PTBP2: variants seen among roughly 807,000 people sequenced by gnomAD.
The protein encoded by PTBP2 is polypyrimidine tract binding protein 2.
In PTBP2, 13 loss-of-function variants were observed where a neutral mutation model predicts 61.4. The observed-to-expected ratio is 0.21, with a 90% CI of 0.14 to 0.34. PTBP2 has a LOEUF of 0.34. PTBP2 is among the 10% of genes least tolerant of loss of function. PTBP2 has a pLI of 1.00. For synonymous variants in PTBP2, 215 were observed against 218.5 expected, an observed-to-expected ratio of 0.98 and a Z score of 0.14; for missense variants, 405 against 642.6, an observed-to-expected ratio of 0.63 and a Z score of 4.00.
In PTBP2 at chr1:96,807,263, G is replaced by T. The variant is rs571272884; in HGVS notation, c.1171+305G>T. On this transcript the variant is annotated intron_variant, in intron 11 of 13. Coordinates refer to ENST00000674951, the MANE Select transcript of PTBP2 (RefSeq NM_021190.4). ...AGATTCATAGTGATTTTTATTCTAG[G>T]TACTCCTTGTTAATAGAGGCTAACT... 1.1e-4 allele frequency among the ~76,000 whole-genome samples: 16 copies of T among 152,108 alleles called. No homozygotes were observed. The South Asian group carries it at 2.1e-3, about 20-fold the overall frequency.
intron 8 of PTBP2, among the ~76,000 whole-genome samples, chr1:96,795,260 G>A (rs1188897696): frequency 6.6e-6 from 1 of 152,172 alleles, no homozygotes; most frequent in Non-Finnish European, 1.5e-5. Context: ...GTCTAATTAA[G>A]ATGTAATTAT....
At chr1:96,746,385 T>A (rs941789062) in intron 2 of PTBP2, among the ~76,000 whole-genome samples, 1 of 152,296 alleles carries the variant, frequency 6.6e-6, no homozygotes, top group African/African-American at 2.4e-5. Flanking sequence ...TATTCTCTGG[T>A]CTTCCTTTGT....
At chr1:96,770,047 T>G (rs962670745) in intron 4 of PTBP2, among the ~76,000 whole-genome samples, 172 bp downstream of exon 4, 1 of 152,024 alleles carries the variant, frequency 6.6e-6, no homozygotes, top group African/African-American at 2.4e-5. Context: ...CCAAAGTGAG[T>G]GAATCACTAT....
chr1:96,797,813 A>G (rs185030419), intron 8 of PTBP2, among the ~76,000 whole-genome samples: 1 of 152,324 alleles, frequency 6.6e-6, no homozygotes, highest in East Asian at 1.9e-4. Context: ...GACAAGAACA[A>G]CTTTCTATAC....
At chr1:96,747,726 A>G (rs1654027756) in intron 2 of PTBP2, among the ~76,000 whole-genome samples, 1 of 152,098 alleles carries the variant, frequency 6.6e-6, no homozygotes, top group African/African-American at 2.4e-5. Context: ...AAGTGGTATC[A>G]GTCTGCTCCA....
Position 96,721,799 on chromosome 1 carries a change from G to C in PTBP2, c.-66G>C. ...GTCGGGCCCCAGCCGCCATTTTCTC[G>C]CCGCTTGTGTGGCTCGCTGGCTGCG... On this transcript the variant is annotated 5_prime_UTR_variant, in exon 1 of 14. Transcript: ENST00000674951. The C allele has an allele frequency of 1.3e-6, 2 of 1,546,612 alleles. No homozygotes were observed. Among genetic ancestry groups the C allele is most frequent in the Non-Finnish European group, 1.7e-6 (2 of 1,143,924 alleles).
chr1:96,818,256 A>G, downstream of PTBP2: 1 of 152,080 alleles, frequency 6.6e-6, no homozygotes, highest in African/African-American at 2.4e-5. Context: ...TTTTTGAATC[A>G]GAAAATTTTA....
rs748262408 is a variant in PTBP2 at position 96,769,713 on chromosome 1, T to C, written c.126T>C (p.Asn42=). ...MSSMVVTANG[N]DSKKFKGEDK... is the part of the protein sequence containing the mutation. ...TTTAATGTCTTTCAGCCAATGGTAA[T>C]GATAGTAAAAAATTTAAAGGAGAAG... The change falls in exon 4 of 14, where the codon AAT becomes AAC. Residue 42 remains asparagine (N), a synonymous_variant. Transcript: ENST00000674951. 6.9e-6 allele frequency: 11 copies of C among 1,597,646 alleles called. No individual in the cohort carries two copies. The African/African-American group carries it at 1.1e-4, about 16-fold the overall frequency.
intron 5 of PTBP2, among the ~76,000 whole-genome samples, chr1:96,776,443 G>A (rs1189954508): frequency 6.6e-6 from 1 of 151,856 alleles, no homozygotes; most frequent in South Asian, 2.1e-4. Context: ...AAATTAAGTA[G>A]CATTTAAATG....
intron 2 of PTBP2, among the ~76,000 whole-genome samples, chr1:96,739,435 ACT>A (rs1347732133): frequency 6.6e-6 from 1 of 151,830 alleles, no homozygotes; most frequent in Admixed American, 6.6e-5. Flanking sequence ...GAGAACTGAA[ACT>A]CTATACTGAT....
chr1:96,727,386 T>C (rs968589847), intron 2 of PTBP2, among the ~76,000 whole-genome samples: 1 of 152,204 alleles, frequency 6.6e-6, no homozygotes, highest in East Asian at 1.9e-4. Context: ...TATGGACATA[T>C]GCTTTCATTT....
intron 2 of PTBP2, among the ~76,000 whole-genome samples, chr1:96,729,230 C>T (rs1344656261): frequency 1.3e-5 from 2 of 152,146 alleles, no homozygotes; most frequent in Non-Finnish European, 2.9e-5. Flanking sequence ...CCATGTTGGC[C>T]AGGCTGGTCT....
chr1:96,806,797 T>A, intron 10 of PTBP2, 69 bp from the exon 11 acceptor site: 1 of 1,137,038 alleles, frequency 8.8e-7, no homozygotes, highest in East Asian at 2.4e-5. Context: ...GTCAGAAAGA[T>A]AATCTTTAGG....
intron 2 of PTBP2, among the ~76,000 whole-genome samples, chr1:96,741,866 C>T (rs754256253): frequency 1.3e-4 from 20 of 152,158 alleles, no homozygotes; most frequent in Non-Finnish European, 2.6e-4. Flanking sequence ...CTCAGCTTTT[C>T]TCCAATGATC....
At chr1:96,751,293 A>AT (rs750960141) in intron 2 of PTBP2, 132 bp from the exon 3 acceptor site, 7 of 776,222 alleles carry the variant, frequency 9.0e-6, no homozygotes, top group Non-Finnish European at 1.6e-5. Flanking sequence ...GATGAAGTTA[A>AT]TTTTTTATTA....
chr1:96,723,742 TAAAC>T (rs1449647287), intron 2 of PTBP2, 148 bp downstream of exon 2: 2 of 615,404 alleles, frequency 3.2e-6, no homozygotes, highest in Non-Finnish European at 5.5e-6. Flanking sequence ...TTGGACCATA[TAAAC>T]AGTTTGTAAT....
rs537174312 is a variant in PTBP2 at position 96,765,541 on chromosome 1, T to A, written c.116-4162T>A. Among the ~76,000 whole-genome samples, 3 of 152,210 alleles carry A rather than the reference T, an allele frequency of 2.0e-5. No homozygotes were observed. In the South Asian group the frequency reaches 6.2e-4, roughly 32 times the overall value. On this transcript the variant is annotated intron_variant, in intron 3 of 13. Coordinates refer to ENST00000674951, the MANE Select transcript of PTBP2 (RefSeq NM_021190.4). ...GCCTGGCCAACATGGTGAAACCCCA[T>A]CTCTACTGAAAATAGAAAAATTAGC...
intron 8 of PTBP2, among the ~76,000 whole-genome samples, chr1:96,802,080 G>A (rs1661052957): frequency 6.6e-6 from 1 of 150,874 alleles, no homozygotes; most frequent in African/African-American, 2.4e-5. Flanking sequence ...GCGTGTTGGC[G>A]GGCGCCTGTA....
At chr1:96,791,522 A>T (rs915763345) in intron 8 of PTBP2, among the ~76,000 whole-genome samples, 1 of 152,198 alleles carries the variant, frequency 6.6e-6, no homozygotes, top group African/African-American at 2.4e-5. Flanking sequence ...TAGTAAGGCT[A>T]CTTTTAGTTA....
Sources: allele counts gnomAD v4.1 joint callset (sites outside exome capture counted in the v4.1 genomes callset), GRCh38; gene constraint gnomAD v4.1.1; transcripts MANE v1.5; gene names NCBI Gene and HGNC (gene_info 2026-07-23, HGNC 2026-07-21).